PLXNC1: variants seen among roughly 807,000 people sequenced by gnomAD.
PLXNC1 encodes the protein plexin C1.
PLXNC1 carries 75 observed loss-of-function variants against 178.2 expected under a neutral mutation model. The observed-to-expected ratio is 0.42, with a 90% CI of 0.35 to 0.51. The LOEUF (loss-of-function observed/expected upper bound fraction) is 0.51, where lower values mean the gene tolerates loss of function less well. PLXNC1 is among the 20% of genes least tolerant of loss of function. The pLI is 0.02. For missense variants in PLXNC1, 1,503 were observed against 1,984.4 expected (o/e 0.76, Z 4.61); for synonymous variants, 790 against 779.9 (o/e 1.01, Z -0.22).
At chr12:94,165,346 C>T (rs1463728002) in intron 1 of PLXNC1, among the ~76,000 whole-genome samples, 1 of 152,154 alleles carries the variant, frequency 6.6e-6, no homozygotes, top group African/African-American at 2.4e-5. Context: ...GTTCCTTTTC[C>T]CATTCACAGG....
chr12:94,302,410 C>T (rs1968555502), intron 28 of PLXNC1, among the ~76,000 whole-genome samples: 1 of 152,182 alleles, frequency 6.6e-6, no homozygotes. Flanking sequence ...CTAATGAGGA[C>T]CAGAAACTGT....
intron 14 of PLXNC1, among the ~76,000 whole-genome samples, chr12:94,249,928 T>TGTAGGGGG (rs879785177): frequency 2.5e-5 from 2 of 81,620 alleles, no homozygotes; most frequent in Non-Finnish European, 4.7e-5. Context: ...AAAGCACCAG[T>TGTAGGGGG]GTGGGGGGGT....
intron 21 of PLXNC1, among the ~76,000 whole-genome samples, chr12:94,271,043 C>T (rs1965538771): frequency 6.6e-6 from 1 of 152,200 alleles, no homozygotes; most frequent in South Asian, 2.1e-4. Flanking sequence ...CCTCATGCTG[C>T]TTCTACGGAA....
At chr12:94,177,534 A>AAAGAAAGAGAAAGG (rs1215201757) in intron 2 of PLXNC1, among the ~76,000 whole-genome samples, 1 of 151,388 alleles carries the variant, frequency 6.6e-6, no homozygotes, top group East Asian at 1.9e-4. Flanking sequence ...AGGGAGAAAG[A>AAAGAAAGAGAAAGG]AAGAAAGAGA....
At chr12:94,249,003 A>G (rs1401335956) in intron 14 of PLXNC1, among the ~76,000 whole-genome samples, 3 of 152,168 alleles carry the variant, frequency 2.0e-5, no homozygotes, top group South Asian at 2.1e-4. Flanking sequence ...GTCACCCTTT[A>G]TAGTATTCAT....
chr12:94,225,310 C>G lies in PLXNC1; in HGVS notation c.1790+995C>G, dbSNP rs189972202. Reference sequence around the variant, plus strand: ...AAATGGGAGTTTCTTTTGTCCTGGCCTGGGAACCATGGTTTCTATGGGGAA... The same window carrying G: ...AAATGGGAGTTTCTTTTGTCCTGGCGTGGGAACCATGGTTTCTATGGGGAA... On this transcript the variant is annotated intron_variant, in intron 7 of 30. Transcript: ENST00000258526. 1.2e-3 allele frequency among the ~76,000 whole-genome samples: 180 copies of G among 152,220 alleles called. 2 individuals carry two copies. Among genetic ancestry groups the G allele is most frequent in the Admixed American group, 0.01 (153 of 15,288 alleles).
At chr12:94,192,912 A>T (rs540764897) in intron 4 of PLXNC1, among the ~76,000 whole-genome samples, 15 of 152,310 alleles carry the variant, frequency 9.8e-5, no homozygotes, top group African/African-American at 3.4e-4. Flanking sequence ...TAAGTAAAGG[A>T]GATAAATGAA....
chr12:94,255,259 A>T lies in PLXNC1; in HGVS notation c.3050A>T (p.Asp1017Val). ...AGTTTTGGAACTGTTCCCTTCCTTG[A>T]CTACAAACATTTTGCTCTGAGAACT... is the stretch of plus-strand genomic sequence containing the variant. Reference protein sequence around the residue: ...VDSFGTVPFLDYKHFALRTFF... With the variant: ...VDSFGTVPFLVYKHFALRTFF... The change falls in exon 17 of 31, where the codon GAC (aspartate) becomes GTC (valine). Residue 1017 changes from aspartate (D) to valine (V), a missense_variant. Physicochemically the swap from Asp to Val is radical, Grantham distance 152 (BLOSUM62 -3). Transcript: ENST00000258526. 1 of 1,613,664 alleles carries T rather than the reference A, an allele frequency of 6.2e-7. No homozygotes were observed. The highest frequency in any genetic ancestry group is 8.5e-7 in the Non-Finnish European group (1 of 1,179,512).
chr12:94,262,224 T>C (rs1394029742), intron 20 of PLXNC1, among the ~76,000 whole-genome samples: 1 of 152,162 alleles, frequency 6.6e-6, no homozygotes, highest in Non-Finnish European at 1.5e-5. Context: ...AGCACCACAC[T>C]AGGGGTCTTG....
At chr12:94,278,291 C>G (rs1471834648) in intron 21 of PLXNC1, among the ~76,000 whole-genome samples, 2 of 152,224 alleles carry the variant, frequency 1.3e-5, no homozygotes, top group African/African-American at 4.8e-5. Context: ...AGAATCTAAA[C>G]TGCTATGTTA....
intron 4 of PLXNC1, among the ~76,000 whole-genome samples, chr12:94,192,374 T>C (rs533243924): frequency 7.2e-5 from 11 of 152,086 alleles, no homozygotes; most frequent in Admixed American, 2.6e-4. Flanking sequence ...CTATGCTCAG[T>C]GCTCAGGATA....
intron 1 of PLXNC1, among the ~76,000 whole-genome samples, chr12:94,159,625 G>A (rs1423683157): frequency 6.6e-6 from 1 of 152,192 alleles, no homozygotes. Context: ...GAAGCAGCAG[G>A]CCCAGCCTGC....
intron 4 of PLXNC1, among the ~76,000 whole-genome samples, chr12:94,187,420 A>G (rs978451975): frequency 6.6e-6 from 1 of 152,234 alleles, no homozygotes; most frequent in Admixed American, 6.5e-5. Flanking sequence ...TAGGAAACAA[A>G]TCAAAAATAC....
At chr12:94,277,696 C>A (rs113309559) in intron 21 of PLXNC1, 34 of 335,898 alleles carry the variant, frequency 1.0e-4, no homozygotes, top group African/African-American at 6.9e-4. Context: ...GAGTGGGCGT[C>A]CTAGCTGTCC....
intron 2 of PLXNC1, among the ~76,000 whole-genome samples, chr12:94,178,010 A>C (rs564094594): frequency 1.4e-4 from 21 of 152,340 alleles, no homozygotes; most frequent in Non-Finnish European, 2.5e-4. Context: ...ATCACTTACT[A>C]TCCAGTCTGT....
intron 1 of PLXNC1, among the ~76,000 whole-genome samples, chr12:94,151,196 A>C: frequency 6.6e-6 from 1 of 152,144 alleles, no homozygotes; most frequent in Admixed American, 6.5e-5. Flanking sequence ...CTGCTTGGAA[A>C]ATGTGTTGAT....
At chr12:94,185,239 G>A (rs964191782) in intron 3 of PLXNC1, among the ~76,000 whole-genome samples, 6 of 152,210 alleles carry the variant, frequency 3.9e-5, no homozygotes, top group Admixed American at 2.6e-4. Flanking sequence ...ATGGAAGGGC[G>A]TGGTTATCCT....
chr12:94,180,384 C>T (rs1481120592), intron 2 of PLXNC1, among the ~76,000 whole-genome samples: 1 of 152,170 alleles, frequency 6.6e-6, no homozygotes, highest in African/African-American at 2.4e-5. Context: ...CTACCCTGAA[C>T]ATATATTCTC....
In PLXNC1 at chr12:94,148,657, T is replaced by C. The variant is rs1048076198; in HGVS notation, c.-315T>C. On this transcript the variant is annotated 5_prime_UTR_variant, in exon 1 of 31. Coordinates refer to ENST00000258526, the MANE Select transcript of PLXNC1 (RefSeq NM_005761.3). The surrounding 1 kb of genome is among the most constrained non-coding windows in gnomAD (Gnocchi z 4.8). The stretch of plus-strand genomic sequence containing the variant: ...GCCTCGCTCCTCTCCGCCCGTCCCC[T>C]CCCTTCCCCTCCGCGCCTCCCCGCG... 1.3e-5 allele frequency: 2 copies of C among 150,748 alleles called. No individual in the cohort carries two copies. Among genetic ancestry groups the C allele is most frequent in the Admixed American group, 1.3e-4 (2 of 15,230 alleles). 9.3% of individuals were successfully genotyped at this position (150,748 alleles called of 1,614,324 possible).
Sources: gnomAD v4.1 joint callset for allele counts (sites outside exome capture counted in the v4.1 genomes callset) on GRCh38, gnomAD v4.1.1 for gene constraint, Gnocchi (gnomAD v3.1) non-coding constraint, MANE v1.5 for transcripts, NCBI Gene and HGNC (gene_info 2026-07-23, HGNC 2026-07-21) for gene names.